Variants in RBMS3 observed in about 807,000 individuals in gnomAD.
RBMS3 encodes the protein RNA binding motif single stranded interacting protein 3, also known as RNA-binding motif, single-stranded-interacting protein 3.
A neutral mutation model predicts 66.8 loss-of-function variants in RBMS3; 27 were observed. That is an observed-to-expected ratio of 0.40 (90% CI 0.30 to 0.56). The LOEUF is 0.56. Among genes scored for constraint, RBMS3 ranks in the 20% least tolerant of loss-of-function variants. The pLI, the probability that RBMS3 is intolerant of heterozygous loss-of-function variation, is 0.40. For missense variants in RBMS3, 513 were observed against 549.5 expected, an observed-to-expected ratio of 0.93 and a Z score of 0.66; for synonymous variants, 188 against 183.0, an observed-to-expected ratio of 1.03 and a Z score of -0.22.
At chr3:29,700,915 G>A (rs575877120) in intron 4 of RBMS3, among the ~76,000 whole-genome samples, 2 of 152,120 alleles carry the variant, frequency 1.3e-5, no homozygotes, top group African/African-American at 4.8e-5. Flanking sequence ...TGGACATTGC[G>A]CTTTTTAGAA....
intron 12 of RBMS3, among the ~76,000 whole-genome samples, chr3:29,951,009 A>G (rs1695650085): frequency 6.6e-6 from 1 of 151,858 alleles, no homozygotes; most frequent in Admixed American, 6.6e-5. Flanking sequence ...GATGGAGTAC[A>G]TTGCAAATGT....
intron 2 of RBMS3, among the ~76,000 whole-genome samples, chr3:29,469,341 G>A (rs2042642470): frequency 6.6e-6 from 1 of 151,976 alleles, no homozygotes. Context: ...TCCCACTCCT[G>A]AGCAGATACC....
Position 29,418,055 on chromosome 3 carries a change from A to C in RBMS3, c.76-16688A>C, listed in dbSNP as rs370364329. Among the ~76,000 whole-genome samples, 50 of 152,178 alleles carry C rather than the reference A, an allele frequency of 3.3e-4. No individual in the cohort carries two copies. The South Asian group carries it at 9.9e-3, about 30-fold the overall frequency. ...TTCTAGTTTTCCCCTTTGGGTCTTC[A>C]ATAAAAAATAATCTATATCATTAGG... On this transcript the variant is annotated intron_variant, in intron 1 of 14. Transcript: ENST00000383767.
intron 1 of RBMS3, among the ~76,000 whole-genome samples, chr3:29,430,236 A>G (rs969534471): frequency 6.6e-6 from 1 of 152,170 alleles, no homozygotes; most frequent in African/African-American, 2.4e-5. Context: ...TACTAAAGAT[A>G]AGGAAGAGTT....
At chr3:29,840,480 C>T (rs944470145) in intron 6 of RBMS3, among the ~76,000 whole-genome samples, 1 of 151,944 alleles carries the variant, frequency 6.6e-6, no homozygotes, top group Non-Finnish European at 1.5e-5. Flanking sequence ...TTAAATCCTT[C>T]TGCATTTCCT....
At chr3:29,562,755 A>G (rs1273032479) in intron 3 of RBMS3, among the ~76,000 whole-genome samples, 2 of 152,212 alleles carry the variant, frequency 1.3e-5, no homozygotes, top group Non-Finnish European at 2.9e-5. Flanking sequence ...CATGTATCCC[A>G]GCCTAGCTAT....
chr3:29,501,708 C>T (rs2043981414), intron 3 of RBMS3, among the ~76,000 whole-genome samples: 1 of 152,092 alleles, frequency 6.6e-6, no homozygotes, highest in African/African-American at 2.4e-5. Flanking sequence ...TATCAACCAA[C>T]CAATCAGTGG....
At chr3:29,628,025 T>C (rs955744326) in intron 4 of RBMS3, among the ~76,000 whole-genome samples, 1 of 152,178 alleles carries the variant, frequency 6.6e-6, no homozygotes, top group African/African-American at 2.4e-5. Flanking sequence ...CAATCCTATA[T>C]TGAACAGACA....
intron 10 of RBMS3, among the ~76,000 whole-genome samples, chr3:29,919,041 A>G (rs893361016): frequency 2.0e-5 from 3 of 152,120 alleles, no homozygotes; most frequent in Non-Finnish European, 2.9e-5. Context: ...ATGAGAAAAC[A>G]ATTTTTAATA....
intron 6 of RBMS3, among the ~76,000 whole-genome samples, chr3:29,779,941 G>A (rs1179060766): frequency 6.6e-6 from 1 of 150,756 alleles, no homozygotes; most frequent in African/African-American, 2.4e-5. Context: ...TAAGGGTTAA[G>A]CACATAACGG....
intron 4 of RBMS3, among the ~76,000 whole-genome samples, chr3:29,730,069 A>C (rs1255335814): frequency 1.3e-5 from 2 of 152,078 alleles, no homozygotes; most frequent in African/African-American, 4.8e-5. Context: ...CCTAACAACA[A>C]ATAGTTTATA....
At chr3:29,883,588 G>A (rs1175530661) in intron 7 of RBMS3, among the ~76,000 whole-genome samples, 2 of 152,016 alleles carry the variant, frequency 1.3e-5, no homozygotes, top group East Asian at 1.9e-4. Context: ...TTAGCCATGT[G>A]TTCTAGAATT....
chr3:29,395,347 T>C (rs192830294), intron 1 of RBMS3, among the ~76,000 whole-genome samples: 102 of 152,330 alleles, frequency 6.7e-4, no homozygotes, highest in African/African-American at 2.4e-3. Context: ...TATGTATGTA[T>C]TTGTAAAACG....
intron 6 of RBMS3, among the ~76,000 whole-genome samples, chr3:29,790,892 A>T (rs2056987872): frequency 6.6e-6 from 1 of 152,180 alleles, no homozygotes; most frequent in Non-Finnish European, 1.5e-5. Flanking sequence ...TACATTTCAA[A>T]GCTTTTAATT....
intron 6 of RBMS3, among the ~76,000 whole-genome samples, chr3:29,781,714 G>C (rs988999103): frequency 1.3e-5 from 2 of 152,006 alleles, no homozygotes; most frequent in Admixed American, 6.6e-5. Flanking sequence ...CTTTCTCAGT[G>C]GGGAGGCTAG....
At chr3:29,591,175 A>T (rs1273467890) in intron 4 of RBMS3, among the ~76,000 whole-genome samples, 1 of 152,166 alleles carries the variant, frequency 6.6e-6, no homozygotes, top group Non-Finnish European at 1.5e-5. Flanking sequence ...AGCATCCATG[A>T]CATCAATAAA....
At chr3:29,968,698 G>C (rs1697028678) in intron 12 of RBMS3, among the ~76,000 whole-genome samples, 1 of 152,188 alleles carries the variant, frequency 6.6e-6, no homozygotes, top group African/African-American at 2.4e-5. Context: ...ACAGTATTTA[G>C]GGTGCTTCCT....
chr3:29,591,145 G>A (rs1021675182), intron 4 of RBMS3, among the ~76,000 whole-genome samples: 5 of 152,080 alleles, frequency 3.3e-5, no homozygotes, highest in Admixed American at 1.3e-4. Context: ...ATTAATAATA[G>A]TCCATCCCCT....
Position 29,675,637 on chromosome 3 carries a change from C to G in RBMS3, c.400-64083C>G, listed in dbSNP as rs9869307. 9.6e-3 allele frequency among the ~76,000 whole-genome samples: 1,459 copies of G among 152,246 alleles called. 21 individuals are homozygous for G. The highest frequency in any genetic ancestry group is 0.029 in the African/African-American group (1,215 of 41,536). ...GTGAAGGATATGAATAGACACTTCT[C>G]AAAAGAAGACATTTATGCAGCCAAC... On this transcript the variant is annotated intron_variant, in intron 4 of 14. Coordinates refer to ENST00000383767, the MANE Select transcript of RBMS3 (RefSeq NM_001003793.3).
Sources: gnomAD v4.1 joint callset for allele counts (sites outside exome capture counted in the v4.1 genomes callset) on GRCh38, gnomAD v4.1.1 for gene constraint, MANE v1.5 for transcripts, NCBI Gene and HGNC (gene_info 2026-07-23, HGNC 2026-07-21) for gene names.